The following GAL3ST1 variants were observed in gnomAD, a reference collection of about 807,000 sequenced individuals.
GAL3ST1 encodes galactose-3-O-sulfotransferase 1.
A neutral mutation model predicts 25.0 loss-of-function variants in GAL3ST1; 13 were observed. The observed-to-expected ratio is 0.52, with a 90% confidence interval of 0.34 to 0.83. GAL3ST1 has a LOEUF of 0.83. Among genes scored for constraint, GAL3ST1 ranks in the 40% least tolerant of loss-of-function variants. The pLI, the probability that GAL3ST1 is intolerant of heterozygous loss-of-function variation, is 0.02. For synonymous variants in GAL3ST1, 274 were observed against 277.8 expected (o/e 0.99, Z 0.14); for missense variants, 474 against 613.6 (o/e 0.77, Z 2.40).
rs1034234304 is a variant in GAL3ST1 at position 30,566,648 on chromosome 22, C to T, written c.-120+7818G>A. Among the ~76,000 whole-genome samples, 27 of 151,752 alleles carry T rather than the reference C, an allele frequency of 1.8e-4. 4 individuals carry two copies. The highest frequency in any genetic ancestry group is 1.3e-3 in the Admixed American group (20 of 15,230). ...TTCTTGAGACAGAGTCTCGCTCTGT[C>T]GCCTAGGCTGGAGTGCAGTGGCGCC... is the stretch of plus-strand genomic sequence containing the variant. On this transcript the variant is annotated intron_variant, in intron 1 of 3. Coordinates refer to ENST00000406361, the MANE Select transcript of GAL3ST1 (RefSeq NM_001318104.2).
In GAL3ST1 at chr22:30,555,348, G is replaced by A; in HGVS notation, c.877C>T (p.Leu293=). 1 of 1,607,692 alleles carries A rather than the reference G, an allele frequency of 6.2e-7. No individual in the cohort carries two copies. The highest frequency in any genetic ancestry group is 8.5e-7 in the Non-Finnish European group (1 of 1,179,602). Residue 293 remains leucine (L), a synonymous_variant, in exon 4 of 4, where the codon CTG becomes TTG. Coordinates refer to ENST00000406361, the MANE Select transcript of GAL3ST1 (RefSeq NM_001318104.2). The surrounding 1 kb of genome is among the most constrained non-coding windows in gnomAD (Gnocchi z 8.6). ...TTCCAGGCGGTGGCGCGCCCATACA[G>A]CTCCCCCGAGAGCCGCGGCACGGGC... ...DSPVPRLSGE[L]YGRATAWNML... is the part of the protein sequence containing the mutation.
Position 30,554,936 on chromosome 22 carries a change from C to T in GAL3ST1, c.*17G>A. On this transcript the variant is annotated 3_prime_UTR_variant, in exon 4 of 4. Coordinates refer to ENST00000406361, the MANE Select transcript of GAL3ST1 (RefSeq NM_001318104.2). ...GCAGGGAGCGAGCAGGCAGGCAAGC[C>T]GCTGGGCGGTGGGACGTCACCACCG... is the stretch of plus-strand genomic sequence containing the variant. The T allele has an allele frequency of 1.3e-6, 2 of 1,538,440 alleles. No homozygotes were observed. The highest frequency in any genetic ancestry group is 1.8e-6 in the Non-Finnish European group (2 of 1,137,560).
chr22:30,554,845 G>A lies in GAL3ST1; in HGVS notation c.*108C>T, dbSNP rs1308926241. The A allele has an allele frequency of 4.6e-6, 4 of 870,816 alleles. No homozygotes were observed. Among genetic ancestry groups the A allele is most frequent in the Non-Finnish European group, 6.7e-6 (4 of 592,850 alleles). 53.9% of individuals were successfully genotyped at this position (870,816 alleles called of 1,614,324 possible). Reference sequence around the variant, plus strand: ...CCAGGGAGCCCCCCCTCACCCCGGGGTCTGAGGTGGCACCAGGAGGGGGCT... The same window carrying A: ...CCAGGGAGCCCCCCCTCACCCCGGGATCTGAGGTGGCACCAGGAGGGGGCT... On this transcript the variant is annotated 3_prime_UTR_variant, in exon 4 of 4. Coordinates refer to ENST00000406361, the MANE Select transcript of GAL3ST1 (RefSeq NM_001318104.2).
rs560295389 is a variant in GAL3ST1 at position 30,559,893 on chromosome 22, A to G, written c.-119-1505T>C. Among the ~76,000 whole-genome samples, 121 of 152,350 alleles carry G rather than the reference A, an allele frequency of 7.9e-4. 1 individual carries two copies. The highest frequency in any genetic ancestry group is 2.8e-3 in the African/African-American group (118 of 41,576). On this transcript the variant is annotated intron_variant, in intron 1 of 3. Coordinates refer to ENST00000406361, the MANE Select transcript of GAL3ST1 (RefSeq NM_001318104.2). Reference sequence around the variant, plus strand: ...GAACTTTCCACTTCTGTCCTGGCTCACACTGCACTGCGCCCTGGGCCCCTG... The same window carrying G: ...GAACTTTCCACTTCTGTCCTGGCTCGCACTGCACTGCGCCCTGGGCCCCTG...
intron 1 of GAL3ST1, among the ~76,000 whole-genome samples, chr22:30,569,529 G>C (rs1439718251): frequency 6.6e-6 from 1 of 152,016 alleles, no homozygotes; most frequent in Non-Finnish European, 1.5e-5. Flanking sequence ...AATACTCTGA[G>C]TCTGAGGGAT....
chr22:30,563,856 CAGCG>C (rs1482033886), intron 1 of GAL3ST1, among the ~76,000 whole-genome samples: 52 of 151,034 alleles, frequency 3.4e-4, no homozygotes, highest in African/African-American at 1.2e-3. Context: ...GCGGAGCTTG[CAGCG>C]AGCCGAGATC....
rs762426923 is a variant in GAL3ST1, at chr22:30,555,382, G to C, written c.843C>G (p.Arg281=). ...AGAGCCGCGGCACGGGCGAGTCGCG[G>C]CGGGCGTTGAGCTTGAAGTAGAGCA... ...EDVLYFKLNA[R]RDSPVPRLSG... is the part of the protein sequence containing the mutation. Residue 281 remains arginine, a synonymous_variant, in exon 4 of 4, where the codon CGC becomes CGG. Transcript: ENST00000406361. The surrounding 1 kb of genome is among the most constrained non-coding windows in gnomAD (Gnocchi z 8.6). The C allele has an allele frequency of 6.2e-7, 1 of 1,608,518 alleles. No individual in the cohort carries two copies. The highest frequency in any genetic ancestry group is 8.5e-7 in the Non-Finnish European group (1 of 1,179,852).
chr22:30,559,118 A>T (rs1476186657), intron 1 of GAL3ST1, among the ~76,000 whole-genome samples: 1 of 152,098 alleles, frequency 6.6e-6, no homozygotes, highest in Non-Finnish European at 1.5e-5. Flanking sequence ...AGATGGTGCC[A>T]CTGTATTCCT....
intron 3 of GAL3ST1, among the ~76,000 whole-genome samples, chr22:30,556,700 C>A (rs542645285): frequency 4.6e-5 from 7 of 152,288 alleles, no homozygotes; most frequent in Admixed American, 4.6e-4. Context: ...GATTCTCATG[C>A]TCTATGAGGA....
At chr22:30,556,304 G>A (rs1283013538) in intron 3 of GAL3ST1, among the ~76,000 whole-genome samples, 2 of 152,262 alleles carry the variant, frequency 1.3e-5, no homozygotes, top group East Asian at 3.9e-4. Flanking sequence ...GACGATAACA[G>A]GCCCTATTCA....
At position 30,555,233 on chromosome 22, in the gene GAL3ST1, A is replaced by G; in HGVS notation, c.992T>C (p.Val331Ala). ...CTCGTTGGCATGGCGCAGGGCGGCC[A>G]CCTCGCGGGCCATGCGCTCCCGCCC... Reference protein sequence around the residue: ...AFGRERMAREVAALRHANERM... With the variant: ...AFGRERMAREAAALRHANERM... The change falls in exon 4 of 4, where the codon GTG becomes GCG. Residue 331 changes from valine to alanine, a missense_variant. Transcript: ENST00000406361. This position sits in a 1 kb window ranked among gnomAD's most constrained non-coding sequence, Gnocchi z 8.6. 2 of 1,598,256 alleles carry G rather than the reference A, an allele frequency of 1.3e-6. No individual in the cohort carries two copies. Among genetic ancestry groups the G allele is most frequent in the Non-Finnish European group, 1.7e-6 (2 of 1,175,430 alleles).
At chr22:30,559,533 C>A (rs1226806524) in intron 1 of GAL3ST1, among the ~76,000 whole-genome samples, 1 of 152,160 alleles carries the variant, frequency 6.6e-6, no homozygotes, top group Non-Finnish European at 1.5e-5. Context: ...GCCACCGCGC[C>A]TGGCCCATTT....
Position 30,554,700 on chromosome 22 carries a change from AG to A in GAL3ST1, c.*252del. 1 of 355,736 alleles carries A rather than the reference AG, an allele frequency of 2.8e-6. No homozygotes were observed. Among genetic ancestry groups the A allele is most frequent in the South Asian group, 1.0e-4 (1 of 9,854 alleles). The allele number at this position is 355,736 out of a possible 1,614,324, so 22.0% of individuals were successfully genotyped here. ...CTCCCCTTTAAGGGGAGGCAGAAAT[AG>A]AACATTCTTTATCGGGGAGGGAAAG... is the stretch of plus-strand genomic sequence containing the variant. On this transcript the variant is annotated 3_prime_UTR_variant, in exon 4 of 4. Coordinates refer to ENST00000406361, the MANE Select transcript of GAL3ST1 (RefSeq NM_001318104.2).
rs764926485 is a variant in GAL3ST1 at position 30,555,227 on chromosome 22, G to A, written c.998C>T (p.Ala333Val). The A allele has an allele frequency of 6.3e-7, 1 of 1,598,978 alleles. No individual in the cohort carries two copies. Residue 333 changes from alanine (A) to valine (V), a missense_variant, in exon 4 of 4, where the codon GCC becomes GTC. Physicochemically the swap from Ala to Val is moderately conservative, Grantham distance 64 (BLOSUM62 0). Transcript: ENST00000406361. The surrounding 1 kb of genome is among the most constrained non-coding windows in gnomAD (Gnocchi z 8.6). Reference protein sequence around the residue: ...GRERMAREVAALRHANERMRT... With the variant: ...GRERMAREVAVLRHANERMRT... The stretch of plus-strand genomic sequence containing the variant: ...CATGCGCTCGTTGGCATGGCGCAGG[G>A]CGGCCACCTCGCGGGCCATGCGCTC...
At chr22:30,565,603 C>T (rs988045056) in intron 1 of GAL3ST1, among the ~76,000 whole-genome samples, 2 of 152,182 alleles carry the variant, frequency 1.3e-5, no homozygotes, top group African/African-American at 4.8e-5. Context: ...AATCTTTCAT[C>T]AGAGAGGGTG....
chr22:30,564,115 C>T (rs1016430504), intron 1 of GAL3ST1, among the ~76,000 whole-genome samples: 1 of 152,224 alleles, frequency 6.6e-6, no homozygotes, highest in East Asian at 1.9e-4. Flanking sequence ...TCAACCTGTA[C>T]CAGCTGACCC....
intron 1 of GAL3ST1, among the ~76,000 whole-genome samples, chr22:30,562,772 A>G (rs1005725797): frequency 7.2e-5 from 11 of 152,260 alleles, no homozygotes; most frequent in Non-Finnish European, 1.5e-4. Context: ...ACTGAGACAC[A>G]GGAGAGATCC....
intron 1 of GAL3ST1, among the ~76,000 whole-genome samples, chr22:30,566,519 G>A (rs1215872338): frequency 6.6e-6 from 1 of 152,186 alleles, no homozygotes; most frequent in Non-Finnish European, 1.5e-5. Context: ...CTAGCCAAGG[G>A]AAGCAAAGAT....
At chr22:30,569,614 GC>G (rs2086723046) in intron 1 of GAL3ST1, among the ~76,000 whole-genome samples, 1 of 151,998 alleles carries the variant, frequency 6.6e-6, no homozygotes, top group East Asian at 1.9e-4. Context: ...AAAGAGGTAG[GC>G]GGGGAGCTGG....
Sources: allele counts gnomAD v4.1 joint callset (sites outside exome capture counted in the v4.1 genomes callset), GRCh38; gene constraint gnomAD v4.1.1; non-coding constraint Gnocchi (gnomAD v3.1); transcripts MANE v1.5; gene names NCBI Gene and HGNC (gene_info 2026-07-23, HGNC 2026-07-21).